The following DST variants were observed in gnomAD, a reference collection of about 807,000 sequenced individuals.
DST encodes dystonin.
In DST, 253 loss-of-function variants were observed where a neutral mutation model predicts 875.2. That is an observed-to-expected ratio of 0.29 (90% CI 0.26 to 0.32). The LOEUF (loss-of-function observed/expected upper bound fraction) is 0.32, where lower values mean the gene tolerates loss of function less well. Ranked by LOEUF, DST falls within the 10% of genes least tolerant of loss-of-function variation. The pLI, the probability that DST is intolerant of heterozygous loss-of-function variation, is 1.00. For synonymous variants in DST, 3,124 were observed against 3,197.1 expected (o/e 0.98, Z 0.77); for missense variants, 8,287 against 9,111.6 (o/e 0.91, Z 3.68).
At chr6:56,847,068 A>G (rs1355873194) in intron 4 of DST, among the ~76,000 whole-genome samples, 1 of 151,390 alleles carries the variant, frequency 6.6e-6, no homozygotes, top group Non-Finnish European at 1.5e-5. Flanking sequence ...TATAATCCCA[A>G]CACTTTGGGA....
intron 12 of DST, among the ~76,000 whole-genome samples, 160 bp downstream of exon 12, chr6:56,650,766 T>C (rs1429244706): frequency 1.3e-5 from 2 of 152,216 alleles, no homozygotes; most frequent in African/African-American, 2.4e-5. Context: ...TAGAATAATG[T>C]CATGAAATAC....
intron 3 of DST, among the ~76,000 whole-genome samples, chr6:56,866,500 G>A (rs1774192973): frequency 6.6e-6 from 1 of 152,162 alleles, no homozygotes; most frequent in African/African-American, 2.4e-5. Flanking sequence ...ACTTCACTCA[G>A]GATAAAATCC....
chr6:56,954,799 T>C lies in DST; in HGVS notation c.-212A>G, dbSNP rs1824363408. On this transcript the variant is annotated 5_prime_UTR_variant, in exon 1 of 104. An upstream start codon of the reference 5' UTR is lost. Coordinates refer to ENST00000680361, the MANE Select transcript of DST (RefSeq NM_001374736.1). ...CCAGGGCTGCGGGGAGCGCTTGCCA[T>C]GACTCAGCAGACAGCGACGAGGCTG... Among the ~76,000 whole-genome samples, 1 of 149,748 alleles carries C rather than the reference T, an allele frequency of 6.7e-6. No individual in the cohort carries two copies. The highest frequency in any genetic ancestry group is 2.1e-4 in the South Asian group (1 of 4,830).
rs561009188 is a variant in DST, at chr6:56,818,802, G to A, written c.625+32595C>T. Among the ~76,000 whole-genome samples, 10 of 152,226 alleles carry A rather than the reference G, an allele frequency of 6.6e-5. 1 individual carries two copies. In the South Asian group the frequency reaches 1.7e-3, roughly 25 times the overall value. On this transcript the variant is annotated intron_variant, in intron 4 of 103. Transcript: ENST00000680361. ...TCTGATATGTAAACAATGTCACAGA[G>A]CAATACTATTACCTTTTAGTGAACT... is the stretch of plus-strand genomic sequence containing the variant.
chr6:56,564,784 G>A lies in DST; in HGVS notation c.14006-2584C>T, dbSNP rs113785112. 7.2e-4 allele frequency among the ~76,000 whole-genome samples: 110 copies of A among 152,288 alleles called. 1 individual carries two copies. The highest frequency in any genetic ancestry group is 2.5e-3 in the African/African-American group (105 of 41,556). ...TTATTAAGAGTTTTTAGCATGGAGG[G>A]TTGAATGTTATCGAAGGCCTTTTCT... is the stretch of plus-strand genomic sequence containing the variant. On this transcript the variant is annotated intron_variant, in intron 55 of 103. Transcript: ENST00000680361.
intron 93 of DST, 106 bp downstream of exon 93, chr6:56,473,767 T>G: frequency 9.8e-7 from 1 of 1,016,664 alleles, no homozygotes; most frequent in Non-Finnish European, 1.4e-6. Flanking sequence ...TGATATCAAG[T>G]GCTCATGTAA....
chr6:56,586,901 A>C (rs569942933), intron 49 of DST, among the ~76,000 whole-genome samples: 1 of 152,100 alleles, frequency 6.6e-6, no homozygotes, highest in African/African-American at 2.4e-5. Context: ...CACACCAAAA[A>C]CCCATCTGTA....
intron 4 of DST, among the ~76,000 whole-genome samples, chr6:56,779,778 G>C (rs1240533078): frequency 1.3e-5 from 2 of 150,482 alleles, no homozygotes; most frequent in African/African-American, 4.9e-5. Context: ...ACAATATGCA[G>C]GTTAGTTACA....
chr6:56,473,848 T>C (rs2095031016), intron 93 of DST, 25 bp downstream of exon 93: 1 of 1,574,466 alleles, frequency 6.4e-7, no homozygotes, highest in South Asian at 1.2e-5. Flanking sequence ...TTATTGACAT[T>C]TTAAAGAAAT....
At chr6:56,549,102 T>G (rs924268478) in intron 61 of DST, among the ~76,000 whole-genome samples, 2 of 152,214 alleles carry the variant, frequency 1.3e-5, no homozygotes, top group African/African-American at 4.8e-5. Context: ...CGGGGAAGTC[T>G]ATCAAACCTG....
intron 25 of DST, 58 bp from the exon 26 acceptor site, chr6:56,634,674 A>G (rs2098810258): frequency 1.9e-6 from 3 of 1,609,936 alleles, no homozygotes; most frequent in Middle Eastern, 1.7e-4. Context: ...TGTTTTCCAT[A>G]CTCAATCCTG....
At chr6:56,866,062 C>G (rs113220966) in intron 3 of DST, among the ~76,000 whole-genome samples, 1 of 151,934 alleles carries the variant, frequency 6.6e-6, no homozygotes, top group Non-Finnish European at 1.5e-5. Flanking sequence ...GGCGCAATCT[C>G]GGCTCACTGC....
At position 56,851,387 on chromosome 6, in the gene DST, A is replaced by G; in HGVS notation, c.625+10T>C. On this transcript the variant is annotated intron_variant, in intron 4 of 103. Coordinates refer to ENST00000680361, the MANE Select transcript of DST (RefSeq NM_001374736.1). The stretch of plus-strand genomic sequence containing the variant: ...TCCCCCACTCCATCCCCTTCCCCAG[A>G]TGCTCTTACCTGCTATCCGAAGCAC... 1.2e-6 allele frequency: 2 copies of G among 1,611,036 alleles called. No homozygotes were observed. The highest frequency in any genetic ancestry group is 2.2e-5 in the East Asian group (1 of 44,846).
Position 56,678,544 on chromosome 6 carries a change from T to C in DST, c.1048-7737A>G, listed in dbSNP as rs561156218. 3.9e-5 allele frequency among the ~76,000 whole-genome samples: 6 copies of C among 152,310 alleles called. No individual in the cohort carries two copies. In the South Asian group the frequency reaches 1.2e-3, roughly 32 times the overall value. The stretch of plus-strand genomic sequence containing the variant: ...GAGAAAAACGAAGAGTAGTTTATTA[T>C]TATAATATGTATATTTCATATATAC... On this transcript the variant is annotated intron_variant, in intron 9 of 103. Coordinates refer to ENST00000680361, the MANE Select transcript of DST (RefSeq NM_001374736.1).
intron 38 of DST, 121 bp downstream of exon 38, chr6:56,611,386 AT>A (rs1378282538): frequency 8.7e-6 from 6 of 687,106 alleles, no homozygotes; most frequent in Non-Finnish European, 1.5e-5. Context: ...TACTATATTA[AT>A]TGTGATTAGT....
intron 4 of DST, among the ~76,000 whole-genome samples, chr6:56,752,828 G>A (rs1187171729): frequency 1.3e-5 from 2 of 151,866 alleles, no homozygotes; most frequent in Non-Finnish European, 2.9e-5. Flanking sequence ...TTTTGCTCTT[G>A]TTGCCCAGGC....
chr6:56,654,095 A>G (rs2098991024), intron 10 of DST, among the ~76,000 whole-genome samples: 1 of 152,208 alleles, frequency 6.6e-6, no homozygotes, highest in African/African-American at 2.4e-5. Context: ...AACATTAACT[A>G]TTGTAACTTG....
chr6:56,815,808 A>G (rs1349681086), intron 4 of DST, among the ~76,000 whole-genome samples: 1 of 7,132 alleles, frequency 1.4e-4, no homozygotes, highest in Non-Finnish European at 2.5e-4. Flanking sequence ...AATATCAATT[A>G]TATTAAATGA....
chr6:56,948,276 C>G (rs562611582), intron 2 of DST, among the ~76,000 whole-genome samples: 1 of 152,284 alleles, frequency 6.6e-6, no homozygotes, highest in Admixed American at 6.5e-5. Context: ...TTTAAGGAAG[C>G]ATTTTGTGGC....
Sources: gnomAD v4.1 joint callset for allele counts (sites outside exome capture counted in the v4.1 genomes callset) on GRCh38, gnomAD v4.1.1 for gene constraint, MANE v1.5 for transcripts, NCBI Gene and HGNC (gene_info 2026-07-23, HGNC 2026-07-21) for gene names.